Variants in ADARB2 observed in about 807,000 individuals in gnomAD.
The protein encoded by ADARB2 is inactive double-stranded RNA-specific editase B2.
ADARB2 carries 25 observed loss-of-function variants against 62.2 expected under a neutral mutation model. The observed-to-expected ratio is 0.40, with a 90% CI of 0.29 to 0.56. The LOEUF (loss-of-function observed/expected upper bound fraction) is 0.56, where lower values mean the gene tolerates loss of function less well. Among genes scored for constraint, ADARB2 ranks in the 20% least tolerant of loss-of-function variants. The probability of loss-of-function intolerance (pLI) is 0.43; values close to 1 mark genes in which losing one functional copy is unlikely to be tolerated. For missense variants in ADARB2, 1,071 were observed against 1,077.4 expected (o/e 0.99, Z 0.08); for synonymous variants, 572 against 500.8 (o/e 1.14, Z -1.90).
At chr10:1,368,888 G>A (rs1258396644) in intron 2 of ADARB2, among the ~76,000 whole-genome samples, 5 of 151,874 alleles carry the variant, frequency 3.3e-5, no homozygotes, top group African/African-American at 1.2e-4. Context: ...GTGGGGCCGG[G>A]CTGGGTGAGG....
At chr10:1,645,766 T>A (rs1399092179) in intron 1 of ADARB2, among the ~76,000 whole-genome samples, 1 of 142,898 alleles carries the variant, frequency 7.0e-6, no homozygotes, top group Non-Finnish European at 1.6e-5. Flanking sequence ...AGCTGCCCCC[T>A]CTGCCTCTCC....
intron 1 of ADARB2, among the ~76,000 whole-genome samples, chr10:1,568,505 T>C (rs1004423173): frequency 1.3e-5 from 2 of 150,104 alleles, no homozygotes; most frequent in Non-Finnish European, 3.0e-5. Context: ...TTTGCCAAGT[T>C]AATAGTTTAA....
At chr10:1,374,974 G>A (rs78445734) in intron 2 of ADARB2, among the ~76,000 whole-genome samples, 1 of 151,988 alleles carries the variant, frequency 6.6e-6, no homozygotes, top group African/African-American at 2.4e-5. Flanking sequence ...GCTGGGGCCG[G>A]GGGTGGGAGG....
chr10:1,727,974 G>A (rs1217400526), intron 1 of ADARB2, among the ~76,000 whole-genome samples: 1 of 152,158 alleles, frequency 6.6e-6, no homozygotes, highest in Non-Finnish European at 1.5e-5. Context: ...GAGCAGAATT[G>A]GATAGCACGC....
At chr10:1,394,952 G>A in intron 1 of ADARB2, 1 of 454,854 alleles carries the variant, frequency 2.2e-6, no homozygotes, top group South Asian at 1.6e-5. Flanking sequence ...ACAAGATCTT[G>A]CTCTGTCCCC....
chr10:1,627,032 G>A (rs1345431933), intron 1 of ADARB2, among the ~76,000 whole-genome samples: 3 of 151,692 alleles, frequency 2.0e-5, no homozygotes, highest in South Asian at 2.1e-4. Context: ...CGGCGCACCC[G>A]CTAGCACCGC....
intron 1 of ADARB2, among the ~76,000 whole-genome samples, chr10:1,520,310 T>C (rs1025024313): frequency 1.4e-4 from 21 of 152,366 alleles, no homozygotes; most frequent in African/African-American, 4.6e-4. Flanking sequence ...TGTCTATGTA[T>C]GTATGTGTAT....
chr10:1,522,741 C>G (rs1832088390), intron 1 of ADARB2, among the ~76,000 whole-genome samples: 1 of 152,184 alleles, frequency 6.6e-6, no homozygotes. Context: ...TGGATCTTAG[C>G]CCCATTTTTC....
intron 2 of ADARB2, among the ~76,000 whole-genome samples, chr10:1,372,349 T>C (rs2805499): frequency 0.25 from 38,435 of 152,042 alleles, 5,596 homozygotes; most frequent in East Asian, 0.59. Context: ...AACAATCAGC[T>C]ATCAGTACAA....
At chr10:1,661,497 T>C (rs1401946213) in intron 1 of ADARB2, among the ~76,000 whole-genome samples, 1 of 152,210 alleles carries the variant, frequency 6.6e-6, no homozygotes, top group Non-Finnish European at 1.5e-5. Flanking sequence ...TTTTACAGGA[T>C]GCCTTGGAAG....
intron 7 of ADARB2, among the ~76,000 whole-genome samples, chr10:1,210,962 A>G (rs527939595): frequency 1.3e-5 from 2 of 152,274 alleles, no homozygotes; most frequent in East Asian, 3.9e-4. Context: ...CGGAGGCTGT[A>G]CTTGCCAGCC....
chr10:1,662,002 G>T (rs960546892), intron 1 of ADARB2, among the ~76,000 whole-genome samples: 1 of 152,168 alleles, frequency 6.6e-6, no homozygotes. Flanking sequence ...CACTGCAGCT[G>T]CTCCTCTCAG....
In ADARB2 at chr10:1,181,329, C is replaced by T. The variant is rs1391328720; in HGVS notation, c.*1864G>A. On this transcript the variant is annotated 3_prime_UTR_variant, in exon 10 of 10. Coordinates refer to ENST00000381312, the MANE Select transcript of ADARB2 (RefSeq NM_018702.4). ...TTACCAGAACTTAATAGAAACTGGT[C>T]GTTTGAGCTTAGCTTTTGCACTGAA... 1 of 152,200 alleles carries T rather than the reference C, an allele frequency of 6.6e-6. No homozygotes were observed. The highest frequency in any genetic ancestry group is 1.5e-5 in the Non-Finnish European group (1 of 68,040). The allele number at this position is 152,200 out of a possible 1,614,324, so 9.4% of individuals were successfully genotyped here.
chr10:1,461,934 G>A lies in ADARB2; in HGVS notation c.101-82774C>T, dbSNP rs188632116. Among the ~76,000 whole-genome samples, 137 of 152,208 alleles carry A rather than the reference G, an allele frequency of 9.0e-4. 2 individuals are homozygous for A. In the East Asian group the frequency reaches 0.019, roughly 21 times the overall value. On this transcript the variant is annotated intron_variant, in intron 1 of 9. Transcript: ENST00000381312. ...GGAGAATCGCTTGAACTGGGGAGGC[G>A]GAGGTTGCAATGAGCTGAGATCACA... is the stretch of plus-strand genomic sequence containing the variant.
chr10:1,312,482 C>T (rs952411618), intron 3 of ADARB2, among the ~76,000 whole-genome samples: 1 of 152,200 alleles, frequency 6.6e-6, no homozygotes, highest in African/African-American at 2.4e-5. Flanking sequence ...TCAAAGACCA[C>T]CTGAAGTTCC....
chr10:1,431,028 G>T (rs1830772961), intron 1 of ADARB2, among the ~76,000 whole-genome samples: 1 of 152,192 alleles, frequency 6.6e-6, no homozygotes, highest in African/African-American at 2.4e-5. Flanking sequence ...AAGTCAGCAA[G>T]GATATAGAAG....
intron 3 of ADARB2, among the ~76,000 whole-genome samples, chr10:1,346,593 A>C (rs1156893010): frequency 6.6e-6 from 1 of 152,080 alleles, no homozygotes; most frequent in African/African-American, 2.4e-5. Context: ...AACAGATTTG[A>C]CCCCCAGCCA....
intron 1 of ADARB2, among the ~76,000 whole-genome samples, chr10:1,581,253 C>A (rs958279798): frequency 1.3e-5 from 2 of 152,248 alleles, no homozygotes; most frequent in African/African-American, 4.8e-5. Flanking sequence ...TGTTGTGAGG[C>A]TTAAACCCAT....
At chr10:1,372,886 C>T (rs1299815822) in intron 2 of ADARB2, among the ~76,000 whole-genome samples, 1 of 152,126 alleles carries the variant, frequency 6.6e-6, no homozygotes. Context: ...GGAACACTTG[C>T]TATGTTAGCT....
Sources: allele counts gnomAD v4.1 joint callset (sites outside exome capture counted in the v4.1 genomes callset), GRCh38; gene constraint gnomAD v4.1.1; transcripts MANE v1.5; gene names NCBI Gene and HGNC (gene_info 2026-07-23, HGNC 2026-07-21).